The following MYO15A variants were observed in gnomAD, a reference collection of about 807,000 sequenced individuals.
MYO15A encodes the protein myosin XVA, also known as unconventional myosin-XV.
Under a neutral mutation model 394.6 loss-of-function variants are expected in MYO15A, and 308 were observed. The observed-to-expected ratio is 0.78, with a 90% CI of 0.71 to 0.86. MYO15A has a LOEUF of 0.86. Ranked by LOEUF, MYO15A falls within the 40% of genes least tolerant of loss-of-function variation. MYO15A has a pLI of 0.00. For missense variants in MYO15A, 4,606 were observed against 4,799.1 expected (o/e 0.96, Z 1.19); for synonymous variants, 1,957 against 2,003.8 (o/e 0.98, Z 0.62).
intron 54 of MYO15A, 110 bp downstream of exon 54, chr17:18,159,457 A>C: frequency 1.9e-5 from 29 of 1,488,198 alleles, no homozygotes; most frequent in Non-Finnish European, 2.7e-5. Context: ...CCCTCCCGCC[A>C]GCTCAGACAT....
chr17:18,124,224 AC>A (rs2045990208), intron 2 of MYO15A: 1 of 540,620 alleles, frequency 1.8e-6, no homozygotes, highest in Non-Finnish European at 3.4e-6. Context: ...GCCTTTGTTC[AC>A]CCCCTAGGGC....
Position 18,142,105 on chromosome 17 carries a change from G to C in MYO15A, c.5676G>C (p.Gln1892His). Residue 1892 changes from glutamine (Q) to histidine (H), a missense_variant, in exon 24 of 66, where the codon CAG (glutamine) becomes CAC (histidine). Gln to His is a conservative substitution (Grantham distance 24, BLOSUM62 0). Coordinates refer to ENST00000647165, the MANE Select transcript of MYO15A (RefSeq NM_016239.4). The stretch of plus-strand genomic sequence containing the variant: ...TGTTCCTTAAGGAACACCTATACCA[G>C]CTGCTGGAGAGTATGCGAGAGCATG... ...SKLFLKEHLY[Q>H]LLESMREHVL... 3 of 1,613,458 alleles carry C rather than the reference G, an allele frequency of 1.9e-6. No individual in the cohort carries two copies. The highest frequency in any genetic ancestry group is 2.5e-6 in the Non-Finnish European group (3 of 1,180,030).
Position 18,158,876 on chromosome 17 carries a change from A to C in MYO15A, c.9084-49A>C, listed in dbSNP as rs1317933820. 5.6e-6 allele frequency: 9 copies of C among 1,605,180 alleles called. No homozygotes were observed. The Admixed American group carries it at 1.3e-4, about 24-fold the overall frequency. On this transcript the variant is annotated intron_variant, in intron 52 of 65. Transcript: ENST00000647165. ...TTCTTTCCCATGTGGAAAAGGATGT[A>C]GCCAAGGCTTGGGCAGGACAGGTCA...
At position 18,148,907 on chromosome 17, in the gene MYO15A, T is replaced by C. The variant is rs199587101; in HGVS notation, c.6911T>C (p.Ile2304Thr). The change falls in exon 33 of 66, where the codon ATT (isoleucine) becomes ACT (threonine). Residue 2304 changes from isoleucine to threonine, a missense_variant. Ile to Thr is a moderately conservative substitution (Grantham distance 89). Coordinates refer to ENST00000647165, the MANE Select transcript of MYO15A (RefSeq NM_016239.4). This position sits in a 1 kb window ranked among gnomAD's most constrained non-coding sequence, Gnocchi z 4.8. ...TTCCCTCGACAGAAGTCCTACTTCATTGTGGGCACAGAGGGGCCTGCAGCC... is the reference window on the plus strand; with the variant it reads ...TTCCCTCGACAGAAGTCCTACTTCACTGTGGGCACAGAGGGGCCTGCAGCC... ...RDFPRQKSYF[I>T]VGTEGPAASR... 1.1e-4 allele frequency: 174 copies of C among 1,607,138 alleles called. No homozygotes were observed. Among genetic ancestry groups the C allele is most frequent in the East Asian group, 4.7e-4 (21 of 44,692 alleles).
Position 18,121,785 on chromosome 17 carries a change from G to T in MYO15A, c.2985G>T (p.Glu995Asp). The part of the protein sequence containing the change: ...MTRVFLGRHH[E>D]PGPGQLTKSA... ...GGGTCTTCCTGGGCAGACACCATGA[G>T]CCGGGGCCTGGACAGCTCACCAAAT... Residue 995 changes from glutamate (E) to aspartate (D), a missense_variant, in exon 2 of 66, where the codon GAG (glutamate) becomes GAT (aspartate). Transcript: ENST00000647165. This position sits in a 1 kb window ranked among gnomAD's most constrained non-coding sequence, Gnocchi z 5.3. 1.9e-6 allele frequency: 3 copies of T among 1,611,734 alleles called. No homozygotes were observed. Among genetic ancestry groups the T allele is most frequent in the Non-Finnish European group, 2.5e-6 (3 of 1,179,236 alleles).
In MYO15A at chr17:18,163,735, C is replaced by T. The variant is rs952636962; in HGVS notation, c.9691-7C>T. Reference sequence around the variant, plus strand: ...GCATGGCCTCATCTCTTCCGCCCCACCCCCAGGTGGCCCTGGACGTGGTGG... The same window carrying T: ...GCATGGCCTCATCTCTTCCGCCCCATCCCCAGGTGGCCCTGGACGTGGTGG... On this transcript the variant is annotated splice_region_variant and splice_polypyrimidine_tract_variant and intron_variant, in intron 59 of 65. Coordinates refer to ENST00000647165, the MANE Select transcript of MYO15A (RefSeq NM_016239.4). 2 of 1,610,656 alleles carry T rather than the reference C, an allele frequency of 1.2e-6. No homozygotes were observed. Among genetic ancestry groups the T allele is most frequent in the African/African-American group, 1.3e-5 (1 of 74,968 alleles).
intron 48 of MYO15A, among the ~76,000 whole-genome samples, chr17:18,156,678 G>T (rs1200806727): frequency 1.3e-5 from 2 of 152,208 alleles, no homozygotes; most frequent in Non-Finnish European, 2.9e-5. Context: ...CCTAGGGCAG[G>T]TCATCTCTGT....
intron 2 of MYO15A, 173 bp from the exon 3 acceptor site, chr17:18,124,310 A>G: frequency 1.4e-6 from 1 of 695,224 alleles, no homozygotes; most frequent in South Asian, 1.6e-5. Context: ...TGAGGGTCGC[A>G]TGCAGGTTCT....
intron 28 of MYO15A, 134 bp downstream of exon 28, chr17:18,144,134 C>T: frequency 1.4e-6 from 2 of 1,429,038 alleles, no homozygotes; most frequent in Non-Finnish European, 1.9e-6. Context: ...GTTGCTGGAT[C>T]ATAGGGAATC....
rs1203055735 is a variant in MYO15A, at chr17:18,121,462, C to T, written c.2662C>T (p.Arg888Cys). ...CACTCGGGCTGTGAAGCCGCAAGTG[C>T]GCCTGCCCTTCCACCGACCGCCCAG... is the stretch of plus-strand genomic sequence containing the variant. ...PPTRAVKPQV[R>C]LPFHRPPRAG... The change falls in exon 2 of 66, where the codon CGC (arginine) becomes TGC (cysteine). Residue 888 changes from arginine to cysteine, a missense_variant. Arg to Cys is a radical substitution (Grantham distance 180). Coordinates refer to ENST00000647165, the MANE Select transcript of MYO15A (RefSeq NM_016239.4). The surrounding 1 kb of genome is among the most constrained non-coding windows in gnomAD (Gnocchi z 5.3). The T allele has an allele frequency of 1.9e-6, 3 of 1,549,320 alleles. No individual in the cohort carries two copies. Among genetic ancestry groups the T allele is most frequent in the African/African-American group, 2.7e-5 (2 of 73,170 alleles).
At chr17:18,154,874 T>A in intron 45 of MYO15A, 119 bp downstream of exon 45, 1 of 1,206,688 alleles carries the variant, frequency 8.3e-7, no homozygotes, top group African/African-American at 1.5e-5. Context: ...GACATGTGCC[T>A]CCTTGCTCTG....
chr17:18,130,387 T>G (rs1430984989), intron 7 of MYO15A, among the ~76,000 whole-genome samples: 2 of 144,686 alleles, frequency 1.4e-5, no homozygotes, highest in Admixed American at 7.0e-5. Flanking sequence ...AGAATTCTGG[T>G]GGCCTTCCTG....
In MYO15A at chr17:18,121,723, A is replaced by G. The variant is rs1597757285; in HGVS notation, c.2923A>G (p.Thr975Ala). The change falls in exon 2 of 66, where the codon ACC becomes GCC. Residue 975 changes from threonine (T) to alanine (A), a missense_variant. This residue lies in a region of MYO15A where 1,830 missense variants were observed against 1,689.7 expected (regional missense o/e 1.08). Transcript: ENST00000647165. This position sits in a 1 kb window ranked among gnomAD's most constrained non-coding sequence, Gnocchi z 5.3. Reference protein sequence around the residue: ...LQLLGPVPSPTLQPEDPAADM... With the variant: ...LQLLGPVPSPALQPEDPAADM... ...GCTCCTGGGCCCTGTGCCATCCCCC[A>G]CCCTCCAGCCTGAGGATCCAGCTGC... The G allele has an allele frequency of 1.3e-6, 2 of 1,576,942 alleles. No individual in the cohort carries two copies.
chr17:18,112,696 G>C (rs748634052), intron 1 of MYO15A, among the ~76,000 whole-genome samples: 2 of 151,812 alleles, frequency 1.3e-5, no homozygotes, highest in Non-Finnish European at 2.9e-5. Context: ...GTGTGAGCCA[G>C]CGCACCTAGC....
rs749828028 is a variant in MYO15A at position 18,120,264 on chromosome 17, T to C, written c.1464T>C (p.Phe488=). 6.8e-6 allele frequency: 11 copies of C among 1,611,936 alleles called. No individual in the cohort carries two copies. The highest frequency in any genetic ancestry group is 8.5e-6 in the Non-Finnish European group (10 of 1,179,566). The change falls in exon 2 of 66, where the codon TTT becomes TTC. Residue 488 remains phenylalanine, a synonymous_variant. Coordinates refer to ENST00000647165, the MANE Select transcript of MYO15A (RefSeq NM_016239.4). ...RLFPRPQVKL[F]GKEKLEVPLP... ...TCCCGCGACCCCAGGTGAAGCTGTT[T>C]GGGAAGGAGAAGCTGGAGGTGCCCC...
intron 13 of MYO15A, 84 bp downstream of exon 13, chr17:18,135,908 GC>G: frequency 7.9e-7 from 1 of 1,272,118 alleles, no homozygotes; most frequent in Non-Finnish European, 1.1e-6. Context: ...TTTGTGGGCA[GC>G]CTCTCCCTCT....
chr17:18,138,981 G>T, intron 18 of MYO15A, 45 bp downstream of exon 18: 2 of 1,591,090 alleles, frequency 1.3e-6, no homozygotes, highest in South Asian at 1.1e-5. Context: ...CTGCAGTGCT[G>T]CTAGCTGTTG....
chr17:18,163,654 C>A, intron 59 of MYO15A, 88 bp from the exon 60 acceptor site: 1 of 1,230,210 alleles, frequency 8.1e-7, no homozygotes, highest in Non-Finnish European at 1.2e-6. Context: ...AGGAACTCCA[C>A]ACATGGCCTC....
At chr17:18,138,046 A>T (rs2142324874) in intron 16 of MYO15A, 69 bp from the exon 17 acceptor site, 1 of 757,522 alleles carries the variant, frequency 1.3e-6, no homozygotes, top group Non-Finnish European at 1.7e-6. Context: ...CAGATTCAAC[A>T]TGGGAGGGAG....
Sources: gnomAD v4.1 joint callset for allele counts (sites outside exome capture counted in the v4.1 genomes callset) on GRCh38, gnomAD v4.1.1 for gene constraint, gnomAD v4.1.1 regional missense constraint, Gnocchi (gnomAD v3.1) non-coding constraint, MANE v1.5 for transcripts, NCBI Gene and HGNC (gene_info 2026-07-23, HGNC 2026-07-21) for gene names.